RBBP6: variants seen among roughly 807,000 people sequenced by gnomAD.
The protein encoded by RBBP6 is RB binding protein 6, ubiquitin ligase.
Under a neutral mutation model 167.7 loss-of-function variants are expected in RBBP6, and 25 were observed. That is an observed-to-expected ratio of 0.15 (90% confidence interval 0.11 to 0.21). RBBP6 has a LOEUF of 0.21. Among genes scored for constraint, RBBP6 ranks in the 10% least tolerant of loss-of-function variants. The pLI, the probability that RBBP6 is intolerant of heterozygous loss-of-function variation, is 1.00. For missense variants in RBBP6, 1,868 were observed against 2,134.2 expected (o/e 0.88, Z 2.46); for synonymous variants, 789 against 735.8 (o/e 1.07, Z -1.17).
rs189546652 is a variant in RBBP6, at chr16:24,559,118, T to C, written c.675-387T>C. 6.3e-3 allele frequency among the ~76,000 whole-genome samples: 967 copies of C among 152,304 alleles called. 36 individuals are homozygous for C. Among genetic ancestry groups the C allele is most frequent in the Non-Finnish European group, 1.9e-3 (131 of 68,022 alleles). ...ATTTTAATTTTCATTTTTATTTTTT[T>C]CAAGAAACTTGATAGAGTAGGAAAA... On this transcript the variant is annotated intron_variant, in intron 7 of 17. Coordinates refer to ENST00000319715, the MANE Select transcript of RBBP6 (RefSeq NM_006910.5).
intron 1 of RBBP6, among the ~76,000 whole-genome samples, chr16:24,544,090 T>C (rs973440407): frequency 5.3e-5 from 8 of 152,342 alleles, no homozygotes; most frequent in Non-Finnish European, 1.0e-4. Context: ...TGAAGGGCAT[T>C]GAGGCACCTT....
At chr16:24,568,710 C>T (rs760280494) in intron 16 of RBBP6, 35 bp from the exon 17 acceptor site, 3 of 1,565,932 alleles carry the variant, frequency 1.9e-6, no homozygotes, top group Admixed American at 1.8e-5. Flanking sequence ...GTATGTATTT[C>T]TCAACTATCA....
intron 7 of RBBP6, 124 bp from the exon 8 acceptor site, chr16:24,559,381 G>A (rs981894521): frequency 2.9e-5 from 19 of 646,406 alleles, no homozygotes; most frequent in Non-Finnish European, 4.5e-5. Flanking sequence ...AGAAGATATG[G>A]TGCTTGTCTA....
rs1274308117 is a variant in RBBP6 at position 24,546,246 on chromosome 16, A to G, written c.250A>G (p.Ser84Gly). Residue 84 changes from serine to glycine, a missense_variant, in exon 2 of 18, where the codon AGC becomes GGC. Ser to Gly is a moderately conservative substitution (Grantham distance 56). Coordinates refer to ENST00000319715, the MANE Select transcript of RBBP6 (RefSeq NM_006910.5). The stretch of plus-strand genomic sequence containing the variant: ...TCCTATTGGAGGTGTTAAATCTACA[A>G]GCAAGACATATGTTATGTAAGTATC... ...RIPIGGVKST[S>G]KTYVISRTEP... The G allele has an allele frequency of 1.3e-6, 2 of 1,587,288 alleles. No individual in the cohort carries two copies. The highest frequency in any genetic ancestry group is 1.2e-5 in the South Asian group (1 of 85,106).
intron 1 of RBBP6, among the ~76,000 whole-genome samples, chr16:24,542,284 T>C (rs543110264): frequency 6.6e-6 from 1 of 152,288 alleles, no homozygotes; most frequent in African/African-American, 2.4e-5. Context: ...TGGGCCATCT[T>C]GACATATTGA....
rs1180596838 is a variant in RBBP6 at position 24,540,573 on chromosome 16, G to A, written c.-54G>A. 1.3e-6 allele frequency: 2 copies of A among 1,510,376 alleles called. No individual in the cohort carries two copies. The highest frequency in any genetic ancestry group is 2.3e-5 in the East Asian group (1 of 44,160). 93.6% of individuals were successfully genotyped at this position (1,510,376 alleles called of 1,614,324 possible). A position where few individuals can be genotyped will look rare whatever the true frequency, so the allele number is the denominator to read the frequency against. On this transcript the variant is annotated 5_prime_UTR_variant, in exon 1 of 18. Coordinates refer to ENST00000319715, the MANE Select transcript of RBBP6 (RefSeq NM_006910.5). ...TTGCTCTTAAAGTTTATAAATATAC[G>A]TATATTGAGAGTGTCCACGTCTCCT...
chr16:24,548,822 T>C, intron 2 of RBBP6, 123 bp from the exon 3 acceptor site: 1 of 765,104 alleles, frequency 1.3e-6, no homozygotes, highest in Non-Finnish European at 2.1e-6. Flanking sequence ...GGCTGTTAAA[T>C]ATTTATACCA....
intron 14 of RBBP6, among the ~76,000 whole-genome samples, chr16:24,565,927 T>C (rs1456319785): frequency 6.6e-6 from 1 of 152,132 alleles, no homozygotes; most frequent in African/African-American, 2.4e-5. Flanking sequence ...TAACCAGACA[T>C]GGTGGCATGC....
chr16:24,542,549 C>G (rs1257280196), intron 1 of RBBP6, among the ~76,000 whole-genome samples: 1 of 152,066 alleles, frequency 6.6e-6, no homozygotes, highest in Admixed American at 6.5e-5. Context: ...ACCTCCGCCT[C>G]CCTGGTTTGA....
intron 14 of RBBP6, 84 bp downstream of exon 14, chr16:24,564,949 C>G: frequency 6.6e-7 from 1 of 1,511,378 alleles, no homozygotes; most frequent in East Asian, 2.5e-5. Context: ...ACAGCAGTGG[C>G]AGGAAGGAAG....
At position 24,567,510 on chromosome 16, in the gene RBBP6, G is replaced by A; in HGVS notation, c.1952+5G>A. The A allele has an allele frequency of 6.3e-7, 1 of 1,593,026 alleles. No homozygotes were observed. The highest frequency in any genetic ancestry group is 8.6e-7 in the Non-Finnish European group (1 of 1,169,342). ...GCAGCGACGACTAAAAGAAGAGTATGTATTCTAATTTGAAATTATTATACA... is the reference window on the plus strand; with the variant it reads ...GCAGCGACGACTAAAAGAAGAGTATATATTCTAATTTGAAATTATTATACA... On this transcript the variant is annotated splice_donor_5th_base_variant and intron_variant, in intron 15 of 17. Transcript: ENST00000319715.
Position 24,570,441 on chromosome 16 carries a change from G to A in RBBP6, c.3751G>A (p.Val1251Ile). 2 of 1,605,518 alleles carry A rather than the reference G, an allele frequency of 1.2e-6. No homozygotes were observed. Among genetic ancestry groups the A allele is most frequent in the Non-Finnish European group, 1.7e-6 (2 of 1,178,178 alleles). Residue 1251 changes from valine (V) to isoleucine (I), a missense_variant, in exon 17 of 18, where the codon GTC (valine) becomes ATC (isoleucine). By Grantham distance (29) the Val-to-Ile change is conservative. Around this residue, in one of 7 missense-constraint regions of RBBP6, gnomAD observed 673 missense variants for 691.5 expected, o/e 0.97. Coordinates refer to ENST00000319715, the MANE Select transcript of RBBP6 (RefSeq NM_006910.5). ...TAAACAAGAAAAAGTCAAAGGAAAG[G>A]TCAGACGAAAAGTGACTGGAACTGA... is the stretch of plus-strand genomic sequence containing the variant. ...KVKQEKVKGK[V>I]RRKVTGTEGS...
At chr16:24,556,568 A>G (rs1050861774) in intron 7 of RBBP6, 121 bp downstream of exon 7, 4 of 1,126,668 alleles carry the variant, frequency 3.6e-6, no homozygotes, top group Admixed American at 2.8e-5. Context: ...TACCAAAGCC[A>G]TTAGTCTCTA....
At chr16:24,553,591 T>G in intron 4 of RBBP6, 34 bp downstream of exon 4, 1 of 1,485,402 alleles carries the variant, frequency 6.7e-7, no homozygotes, top group Non-Finnish European at 9.1e-7. Context: ...AAAATATAAG[T>G]TTTTTTCTAA....
chr16:24,553,393 C>A, intron 3 of RBBP6, 120 bp from the exon 4 acceptor site: 1 of 732,384 alleles, frequency 1.4e-6, no homozygotes, highest in Non-Finnish European at 2.3e-6. Context: ...GCTTAACATT[C>A]TTTAGAAAAC....
In RBBP6 at chr16:24,561,988, A is replaced by C; in HGVS notation, c.1116A>C (p.Pro372=). ...GACAACAAGATCCTCTTATGATTCC[A>C]GTGACATCTTCATCAACTCACCCAG... ...ISRQQDPLMI[P]VTSSSTHPAP... Residue 372 remains proline (P), a synonymous_variant, in exon 10 of 18, where the codon CCA becomes CCC. Transcript: ENST00000319715. 1 of 1,613,662 alleles carries C rather than the reference A, an allele frequency of 6.2e-7. No individual in the cohort carries two copies. Among genetic ancestry groups the C allele is most frequent in the Non-Finnish European group, 8.5e-7 (1 of 1,179,798 alleles).
chr16:24,572,159 T>TCAGCCC lies in RBBP6; in HGVS notation c.5098_5103dup (p.Pro1700_Ser1701dup). The stretch of plus-strand genomic sequence containing the variant: ...AATCAGAGCCACAGCAGCCCCAGCG[T>TCAGCCC]CAGCCCCAGCAGAAGCCACAGTCCT... On this transcript the variant is annotated inframe_insertion, in exon 18 of 18. Transcript: ENST00000319715. 1 of 1,613,692 alleles carries TCAGCCC rather than the reference T, an allele frequency of 6.2e-7. No homozygotes were observed. Among genetic ancestry groups the TCAGCCC allele is most frequent in the Non-Finnish European group, 8.5e-7 (1 of 1,179,752 alleles).
chr16:24,548,276 T>A (rs1898709689), intron 2 of RBBP6, among the ~76,000 whole-genome samples: 1 of 151,962 alleles, frequency 6.6e-6, no homozygotes, highest in Non-Finnish European at 1.5e-5. Context: ...TAAAATACTC[T>A]GATTATATTG....
At position 24,572,053 on chromosome 16, in the gene RBBP6, A is replaced by G. The variant is rs775965380; in HGVS notation, c.4987A>G (p.Lys1663Glu). ...KEEESSGNIS[K>E]DLKDKIVEKA... Reference sequence around the variant, plus strand: ...AGAGGAATCTTCAGGAAACATTTCTAAGGACCTGAAAGATAAAATAGTGGA... The same window carrying G: ...AGAGGAATCTTCAGGAAACATTTCTGAGGACCTGAAAGATAAAATAGTGGA... Residue 1663 changes from lysine (K) to glutamate (E), a missense_variant, in exon 18 of 18, where the codon AAG becomes GAG. Physicochemically the swap from Lys to Glu is moderately conservative, Grantham distance 56 (BLOSUM62 1). Transcript: ENST00000319715. 5 of 1,614,052 alleles carry G rather than the reference A, an allele frequency of 3.1e-6. No individual in the cohort carries two copies. The highest frequency in any genetic ancestry group is 4.2e-6 in the Non-Finnish European group (5 of 1,180,014).
Sources: allele counts gnomAD v4.1 joint callset (sites outside exome capture counted in the v4.1 genomes callset), GRCh38; gene constraint gnomAD v4.1.1; regional missense constraint gnomAD v4.1.1; transcripts MANE v1.5; gene names NCBI Gene and HGNC (gene_info 2026-07-23, HGNC 2026-07-21).